Variants in SYTL5 observed in about 807,000 individuals in gnomAD.
SYTL5 encodes synaptotagmin-like protein 5.
In SYTL5, 34 loss-of-function variants were observed where a neutral mutation model predicts 55.9. The observed-to-expected ratio is 0.61, with a 90% CI of 0.46 to 0.81. The LOEUF is 0.81. SYTL5 is among the 30% of genes least tolerant of loss of function. The pLI is 0.00. For synonymous variants in SYTL5, 221 were observed against 188.7 expected, an observed-to-expected ratio of 1.17 and a Z score of -1.40; for missense variants, 637 against 546.7, an observed-to-expected ratio of 1.17 and a Z score of -1.65.
the SYTL5 span, among the ~76,000 whole-genome samples, chrX:37,963,556 G>A: frequency 9.0e-6 from 1 of 111,621 alleles, no homozygotes; most frequent in African/African-American, 3.3e-5. Context: ...CCAAAGTGCT[G>A]GGATTAAGGT....
chrX:38,038,198 A>G (rs1935169914), intron 2 of SYTL5, among the ~76,000 whole-genome samples: 1 of 112,116 alleles, frequency 8.9e-6, no homozygotes, highest in Non-Finnish European at 1.9e-5. Flanking sequence ...TTAACAAAAT[A>G]TCTGGGCTCC....
chrX:37,957,487 C>T, the SYTL5 span, among the ~76,000 whole-genome samples: 8 of 111,890 alleles, frequency 7.1e-5, no homozygotes, highest in African/African-American at 2.6e-4. Context: ...GAATTTCATA[C>T]TTTTGCAAGT....
the SYTL5 span, among the ~76,000 whole-genome samples, chrX:37,962,882 A>C: frequency 8.9e-6 from 1 of 111,926 alleles, no homozygotes; most frequent in Non-Finnish European, 1.9e-5. Flanking sequence ...AGTCCTAATT[A>C]CGTCCCAAAG....
the SYTL5 span, among the ~76,000 whole-genome samples, chrX:37,906,780 G>A: frequency 1.2e-4 from 13 of 112,042 alleles, no homozygotes; most frequent in Non-Finnish European, 1.7e-4. Flanking sequence ...ACTATTGCTG[G>A]TTTTATTTTC....
chrX:38,047,329 G>T (rs1470297826), intron 2 of SYTL5, among the ~76,000 whole-genome samples: 4 of 113,022 alleles, frequency 3.5e-5, no homozygotes, highest in Admixed American at 9.3e-5. Flanking sequence ...TCTATGCAAA[G>T]GTTCCCAAAC....
At chrX:37,944,710 T>G in the SYTL5 span, among the ~76,000 whole-genome samples, 1 of 112,423 alleles carries the variant, frequency 8.9e-6, no homozygotes, top group Non-Finnish European at 1.9e-5. Context: ...CACTCCTACC[T>G]TTGATGGTAT....
Position 38,076,609 on chromosome X carries a change from C to A in SYTL5, c.597C>A (p.Ile199=), listed in dbSNP as rs1178872668. 2 of 1,208,329 alleles carry A rather than the reference C, an allele frequency of 1.7e-6. No homozygotes were observed. The highest frequency in any genetic ancestry group is 3.5e-5 in the African/African-American group (2 of 57,783). ...SKFRSATRGE[I]ITPKTDTGRS... ...TCAGATCGGCAACCAGAGGAGAAATCATAACTCCCAAAACTGACACTGGGC... is the reference window on the plus strand; with the variant it reads ...TCAGATCGGCAACCAGAGGAGAAATAATAACTCCCAAAACTGACACTGGGC... The change falls in exon 6 of 17, where the codon ATC becomes ATA. Residue 199 remains isoleucine, a synonymous_variant. Transcript: ENST00000297875.
At chrX:37,910,259 A>G in the SYTL5 span, among the ~76,000 whole-genome samples, 1 of 111,606 alleles carries the variant, frequency 9.0e-6, no homozygotes, top group Admixed American at 9.5e-5. Context: ...GCACCTGACC[A>G]TCTTCCCCCT....
the SYTL5 span, among the ~76,000 whole-genome samples, chrX:37,897,408 G>C: frequency 9.3e-6 from 1 of 107,141 alleles, no homozygotes; most frequent in Non-Finnish European, 1.9e-5. Context: ...ACTTGAATCC[G>C]GGAAGCAGAG....
intron 1 of SYTL5, among the ~76,000 whole-genome samples, chrX:38,008,662 G>A (rs1457848064): frequency 9.4e-6 from 1 of 106,453 alleles, no homozygotes; most frequent in African/African-American, 3.3e-5. Context: ...TCTAAGAAGT[G>A]ATTAATAAAA....
intron 1 of SYTL5, among the ~76,000 whole-genome samples, chrX:38,007,826 A>C (rs1186746486): frequency 9.0e-6 from 1 of 111,527 alleles, no homozygotes; most frequent in Non-Finnish European, 1.9e-5. Flanking sequence ...CATGTGGGCA[A>C]CTAATAACTG....
chrX:38,023,327 C>G (rs1934627695), intron 1 of SYTL5, among the ~76,000 whole-genome samples: 2 of 111,598 alleles, frequency 1.8e-5, no homozygotes, highest in African/African-American at 3.2e-5. Flanking sequence ...GTCACCACAC[C>G]TTATTGGTTC....
intron 2 of SYTL5, among the ~76,000 whole-genome samples, chrX:38,050,423 T>C (rs774261234): frequency 4.7e-4 from 52 of 111,762 alleles, no homozygotes; most frequent in Non-Finnish European, 8.8e-4. Context: ...AATGAAAAGA[T>C]TGTATCATTC....
chrX:38,062,061 A>T (rs1440079072), intron 3 of SYTL5, among the ~76,000 whole-genome samples: 1 of 110,304 alleles, frequency 9.1e-6, no homozygotes, highest in Non-Finnish European at 1.9e-5. Context: ...TCTGCCTCCC[A>T]GGTTCAAGTG....
the SYTL5 span, among the ~76,000 whole-genome samples, chrX:37,905,016 A>G: frequency 9.0e-6 from 1 of 111,276 alleles, no homozygotes; most frequent in African/African-American, 3.3e-5. Flanking sequence ...GACCTTTACC[A>G]GAACACACCA....
the SYTL5 span, among the ~76,000 whole-genome samples, chrX:37,979,187 A>G: frequency 2.7e-5 from 3 of 110,723 alleles, no homozygotes; most frequent in African/African-American, 9.9e-5. Context: ...CCTTTCTCCA[A>G]AGATGATTTT....
the SYTL5 span, among the ~76,000 whole-genome samples, chrX:37,963,325 A>G: frequency 0.01 from 951 of 95,046 alleles, 16 homozygotes; most frequent in African/African-American, 0.037. Flanking sequence ...GTCTCACTCT[A>G]TCTCCCAGGC....
At chrX:37,960,161 G>A in the SYTL5 span, among the ~76,000 whole-genome samples, 5,067 of 111,085 alleles carry the variant, frequency 0.046, 152 homozygotes, top group African/African-American at 0.11. Flanking sequence ...GGGAAGACTC[G>A]AAGATCTCCA....
the SYTL5 span, among the ~76,000 whole-genome samples, chrX:37,941,728 T>C: frequency 8.9e-6 from 1 of 112,142 alleles, no homozygotes; most frequent in Non-Finnish European, 1.9e-5. Context: ...GTGATGCTTA[T>C]CCTGCTGGCC....
Sources: gnomAD v4.1 joint callset for allele counts (sites outside exome capture counted in the v4.1 genomes callset) on GRCh38, gnomAD v4.1.1 for gene constraint, MANE v1.5 for transcripts, NCBI Gene and HGNC (gene_info 2026-07-23, HGNC 2026-07-21) for gene names.